EPHA6: variants seen among roughly 807,000 people sequenced by gnomAD.
EPHA6 encodes EPH receptor A6.
Under a neutral mutation model 112.0 loss-of-function variants are expected in EPHA6, and 50 were observed. The observed-to-expected ratio is 0.45, with a 90% CI of 0.36 to 0.56. EPHA6 has a LOEUF of 0.56. Ranked by LOEUF, EPHA6 falls within the 20% of genes least tolerant of loss-of-function variation. The pLI, the probability that EPHA6 is intolerant of heterozygous loss-of-function variation, is 0.00. For synonymous variants in EPHA6, 529 were observed against 490.7 expected (o/e 1.08, Z -1.03); for missense variants, 1,280 against 1,417.4 (o/e 0.90, Z 1.56).
chr3:97,420,317 C>A, intron 6 of EPHA6, among the ~76,000 whole-genome samples: 1 of 149,656 alleles, frequency 6.7e-6, no homozygotes, highest in African/African-American at 2.4e-5. Flanking sequence ...TAAAAATTGA[C>A]CAAAATAAAA....
intron 2 of EPHA6, among the ~76,000 whole-genome samples, chr3:96,878,295 C>G (rs1235271796): frequency 6.6e-6 from 1 of 151,526 alleles, no homozygotes; most frequent in Non-Finnish European, 1.5e-5. Context: ...AATGGAGGCC[C>G]ATATGCCTGG....
intron 5 of EPHA6, among the ~76,000 whole-genome samples, chr3:97,343,595 C>T (rs554082318): frequency 6.6e-6 from 1 of 152,176 alleles, no homozygotes; most frequent in East Asian, 1.9e-4. Flanking sequence ...GACCCATAGA[C>T]TTAATTGGCC....
At chr3:97,479,256 T>G in intron 8 of EPHA6, 38 bp from the exon 9 acceptor site, 1 of 1,422,950 alleles carries the variant, frequency 7.0e-7, no homozygotes, top group South Asian at 1.3e-5. Context: ...TGCATCATAC[T>G]TCTTAAAACA....
At chr3:97,681,349 C>T (rs1345918193) in intron 14 of EPHA6, among the ~76,000 whole-genome samples, 1 of 151,998 alleles carries the variant, frequency 6.6e-6, no homozygotes, top group Non-Finnish European at 1.5e-5. Context: ...CAACTTTTAG[C>T]CAACAAGGAC....
intron 5 of EPHA6, 142 bp from the exon 6 acceptor site, chr3:97,405,008 A>T: frequency 1.2e-6 from 1 of 854,914 alleles, no homozygotes; most frequent in Non-Finnish European, 1.8e-6. Flanking sequence ...GCATATCGTA[A>T]GGCTATCTTA....
intron 11 of EPHA6, among the ~76,000 whole-genome samples, chr3:97,585,650 T>G (rs1020053251): frequency 2.0e-5 from 3 of 151,240 alleles, no homozygotes; most frequent in African/African-American, 7.4e-5. Flanking sequence ...ATATTATTTT[T>G]AATTGTATTT....
intron 5 of EPHA6, among the ~76,000 whole-genome samples, chr3:97,401,107 G>A (rs1413540342): frequency 6.6e-6 from 1 of 151,644 alleles, no homozygotes; most frequent in Non-Finnish European, 1.5e-5. Flanking sequence ...TACCTAATTT[G>A]TAGAAAGTCT....
intron 2 of EPHA6, among the ~76,000 whole-genome samples, chr3:96,967,005 A>G (rs2042145019): frequency 6.6e-6 from 1 of 151,940 alleles, no homozygotes; most frequent in African/African-American, 2.4e-5. Context: ...TTAACCACTT[A>G]GGAAAATAAC....
intron 5 of EPHA6, among the ~76,000 whole-genome samples, chr3:97,308,726 T>A (rs1302855700): frequency 6.6e-6 from 1 of 151,806 alleles, no homozygotes; most frequent in Non-Finnish European, 1.5e-5. Context: ...CACTGGTAGT[T>A]TGAATGTCTA....
chr3:97,646,088 A>G lies in EPHA6; in HGVS notation c.2784+8006A>G, dbSNP rs981111634. ...TAATCAAAATACGGACAGAATAGGCATTTTCCATTAAAATGACTTTGCCAA... is the reference window on the plus strand; with the variant it reads ...TAATCAAAATACGGACAGAATAGGCGTTTTCCATTAAAATGACTTTGCCAA... On this transcript the variant is annotated intron_variant, in intron 14 of 17. Transcript: ENST00000389672. 7.4e-6 allele frequency: 11 copies of G among 1,494,466 alleles called. No individual in the cohort carries two copies. The Middle Eastern group carries it at 8.8e-4, about 119-fold the overall frequency. 92.6% of individuals were successfully genotyped at this position (1,494,466 alleles called of 1,614,324 possible). A position where few individuals can be genotyped will look rare whatever the true frequency, so the allele number is the denominator to read the frequency against.
chr3:97,173,106 C>A (rs2076744149), intron 3 of EPHA6, among the ~76,000 whole-genome samples: 1 of 151,756 alleles, frequency 6.6e-6, no homozygotes. Flanking sequence ...TTTGAGATAT[C>A]TTAGATGTTT....
intron 5 of EPHA6, among the ~76,000 whole-genome samples, chr3:97,266,291 C>A (rs886471437): frequency 2.6e-4 from 40 of 152,152 alleles, no homozygotes; most frequent in Middle Eastern, 3.4e-3. Context: ...TTTAATATAA[C>A]CTAAACAAAA....
chr3:96,945,317 C>A (rs544821712), intron 2 of EPHA6, among the ~76,000 whole-genome samples: 12 of 152,260 alleles, frequency 7.9e-5, no homozygotes, highest in Non-Finnish European at 1.6e-4. Context: ...CAAAACGGAA[C>A]TCCAGAGTTG....
chr3:97,644,139 C>G (rs1250588111), intron 14 of EPHA6, among the ~76,000 whole-genome samples: 1 of 152,068 alleles, frequency 6.6e-6, no homozygotes, highest in East Asian at 1.9e-4. Flanking sequence ...GAATCTCACT[C>G]AAAACCGCTC....
intron 6 of EPHA6, among the ~76,000 whole-genome samples, chr3:97,407,605 G>GTCACTTTTCTTTTTCATAC (rs2087440897): frequency 1.3e-5 from 2 of 151,842 alleles, no homozygotes; most frequent in Middle Eastern, 3.2e-3. Context: ...CTAATTTTTA[G>GTCACTTTTCTTTTTCATAC]TCACTTTTCT....
At chr3:96,957,749 C>T (rs2041814144) in intron 2 of EPHA6, among the ~76,000 whole-genome samples, 1 of 152,048 alleles carries the variant, frequency 6.6e-6, no homozygotes, top group Non-Finnish European at 1.5e-5. Context: ...GACCCATGAC[C>T]CACATGTATT....
chr3:97,728,076 T>TTAA (rs869093114), intron 15 of EPHA6, among the ~76,000 whole-genome samples: 1 of 111,824 alleles, frequency 8.9e-6, no homozygotes, highest in Non-Finnish European at 2.0e-5. Context: ...TTAGAACTTA[T>TTAA]GATTTTTATT....
chr3:97,411,901 C>A (rs2087741633), intron 6 of EPHA6, among the ~76,000 whole-genome samples: 1 of 151,998 alleles, frequency 6.6e-6, no homozygotes, highest in Admixed American at 6.6e-5. Context: ...CTTAACAAGA[C>A]CTACTGTTCA....
chr3:97,108,258 G>A (rs2047624557), intron 3 of EPHA6, among the ~76,000 whole-genome samples: 1 of 152,110 alleles, frequency 6.6e-6, no homozygotes, highest in African/African-American at 2.4e-5. Context: ...ACAATATGCT[G>A]GTTATTATCA....
Sources: allele counts gnomAD v4.1 joint callset (sites outside exome capture counted in the v4.1 genomes callset), GRCh38; gene constraint gnomAD v4.1.1; transcripts MANE v1.5; gene names NCBI Gene and HGNC (gene_info 2026-07-23, HGNC 2026-07-21).